Variants in STX12 observed in about 807,000 individuals in gnomAD.
The protein encoded by STX12 is syntaxin-12.
STX12 carries 17 observed loss-of-function variants against 42.2 expected under a neutral mutation model. That is an observed-to-expected ratio of 0.40 (90% CI 0.28 to 0.60). The LOEUF (loss-of-function observed/expected upper bound fraction) is 0.60. STX12 is among the 20% of genes least tolerant of loss of function. The pLI, the probability that STX12 is intolerant of heterozygous loss-of-function variation, is 0.39. For missense variants in STX12, 297 were observed against 330.9 expected, an observed-to-expected ratio of 0.90 and a Z score of 0.79; for synonymous variants, 108 against 116.7, an observed-to-expected ratio of 0.93 and a Z score of 0.48.
chr1:27,803,849 A>AC, intron 4 of STX12, among the ~76,000 whole-genome samples: 1 of 152,132 alleles, frequency 6.6e-6, no homozygotes, highest in East Asian at 1.9e-4. Context: ...TAAAAATACA[A>AC]AATTAGCTGG....
intron 1 of STX12, among the ~76,000 whole-genome samples, chr1:27,783,224 A>G (rs2088679748): frequency 6.6e-6 from 1 of 152,254 alleles, no homozygotes; most frequent in South Asian, 2.1e-4. Context: ...GCTGTAATGT[A>G]TAACAAATTG....
intron 4 of STX12, chr1:27,802,080 T>G (rs2088831801): frequency 4.5e-6 from 1 of 223,154 alleles, no homozygotes; most frequent in African/African-American, 2.3e-5. Context: ...GTTAAAAACT[T>G]GAAAATAAAA....
intron 1 of STX12, among the ~76,000 whole-genome samples, chr1:27,780,723 G>A (rs1488939796): frequency 6.6e-6 from 1 of 151,836 alleles, no homozygotes; most frequent in Non-Finnish European, 1.5e-5. Flanking sequence ...AGGCTGAGGC[G>A]AGTGGATCTC....
At chr1:27,784,672 C>T (rs1188813538) in intron 1 of STX12, among the ~76,000 whole-genome samples, 1 of 152,080 alleles carries the variant, frequency 6.6e-6, no homozygotes, top group Non-Finnish European at 1.5e-5. Flanking sequence ...GAACAAATCC[C>T]TGATGTTGGT....
chr1:27,795,521 G>A (rs1205650993), intron 3 of STX12, among the ~76,000 whole-genome samples: 2 of 151,998 alleles, frequency 1.3e-5, no homozygotes, highest in Admixed American at 6.6e-5. Context: ...GGCCAGGCTG[G>A]TTTCAAACTC....
intron 1 of STX12, among the ~76,000 whole-genome samples, chr1:27,781,595 T>C (rs1557798067): frequency 6.6e-6 from 1 of 152,196 alleles, no homozygotes; most frequent in South Asian, 2.1e-4. Context: ...TAGTAAGTGC[T>C]TAAGAAATGT....
At chr1:27,792,189 T>C (rs980771465) in intron 2 of STX12, among the ~76,000 whole-genome samples, 32 of 134,544 alleles carry the variant, frequency 2.4e-4, no homozygotes, top group Non-Finnish European at 4.2e-4. Flanking sequence ...TATGTATCTA[T>C]ATATGTATAT....
chr1:27,777,854 T>C (rs1342557083), intron 1 of STX12, among the ~76,000 whole-genome samples: 1 of 151,994 alleles, frequency 6.6e-6, no homozygotes, highest in Admixed American at 6.6e-5. Context: ...GCCACTGCAC[T>C]CTGGCCTGGA....
At chr1:27,780,583 C>A (rs2088661547) in intron 1 of STX12, among the ~76,000 whole-genome samples, 2 of 152,140 alleles carry the variant, frequency 1.3e-5, no homozygotes, top group Non-Finnish European at 2.9e-5. Context: ...CCTCCCCTTC[C>A]ATGTATTAAC....
At chr1:27,804,423 T>C (rs1480630083) in intron 4 of STX12, among the ~76,000 whole-genome samples, 2 of 134,514 alleles carry the variant, frequency 1.5e-5, no homozygotes, top group Non-Finnish European at 3.0e-5. Context: ...TGAAATTCCG[T>C]CTCAAAAAAA....
chr1:27,797,526 G>T (rs1359511721), intron 3 of STX12, among the ~76,000 whole-genome samples: 1 of 152,082 alleles, frequency 6.6e-6, no homozygotes, highest in Admixed American at 6.6e-5. Flanking sequence ...ATGCCCCAAG[G>T]TTGTGCCATT....
intron 1 of STX12, among the ~76,000 whole-genome samples, chr1:27,788,640 C>G (rs545852066): frequency 6.6e-6 from 1 of 152,286 alleles, no homozygotes; most frequent in Admixed American, 6.5e-5. Flanking sequence ...AATTTTTGCT[C>G]TGCTACTTAT....
At chr1:27,813,812 T>G (rs913037211) in intron 6 of STX12, among the ~76,000 whole-genome samples, 3 of 152,198 alleles carry the variant, frequency 2.0e-5, no homozygotes, top group Non-Finnish European at 2.9e-5. Flanking sequence ...GGCATGGGTA[T>G]TTTTTTAAAA....
intron 1 of STX12, among the ~76,000 whole-genome samples, chr1:27,775,605 A>T (rs2088623978): frequency 6.6e-6 from 1 of 152,214 alleles, no homozygotes; most frequent in African/African-American, 2.4e-5. Flanking sequence ...TGTAGTAAGT[A>T]TAAGAACTGG....
chr1:27,818,384 TAA>T (rs199601647), intron 7 of STX12, among the ~76,000 whole-genome samples: 19 of 140,218 alleles, frequency 1.4e-4, no homozygotes, highest in Non-Finnish European at 1.7e-4. Context: ...TCGTCTCAAT[TAA>T]AAAAAAAAAA....
At chr1:27,777,522 A>G (rs1032880415) in intron 1 of STX12, among the ~76,000 whole-genome samples, 7 of 151,856 alleles carry the variant, frequency 4.6e-5, no homozygotes, top group Non-Finnish European at 7.4e-5. Context: ...CCATTTTGGA[A>G]CTCTTCCTGC....
chr1:27,811,887 A>G (rs2088905487), intron 5 of STX12: 4 of 504,172 alleles, frequency 7.9e-6, no homozygotes, highest in Non-Finnish European at 1.6e-5. Context: ...GAGATTACAG[A>G]GTATACCCCT....
Position 27,823,761 on chromosome 1 carries a change from T to G in STX12, c.*1432T>G, listed in dbSNP as rs900062697. ...CTTACTTAATACAAATAAATGTTTT[T>G]TAAAGCTTTTGTAGTATGTTTTTAT... On this transcript the variant is annotated 3_prime_UTR_variant, in exon 9 of 9. Coordinates refer to ENST00000373943, the MANE Select transcript of STX12 (RefSeq NM_177424.3). 2 of 152,690 alleles carry G rather than the reference T, an allele frequency of 1.3e-5. No individual in the cohort carries two copies. The highest frequency in any genetic ancestry group is 2.9e-5 in the Non-Finnish European group (2 of 68,050). 9.5% of individuals were successfully genotyped at this position (152,690 alleles called of 1,614,324 possible).
intron 3 of STX12, among the ~76,000 whole-genome samples, chr1:27,797,038 ACACAGTTTCACTGT>A (rs1571523932): frequency 6.7e-6 from 1 of 149,882 alleles, no homozygotes; most frequent in East Asian, 2.0e-4. Context: ...TTTTTTTGAG[ACACAGTTTCACTGT>A]GTCACCCAGG....
Sources: gnomAD v4.1 joint callset for allele counts (sites outside exome capture counted in the v4.1 genomes callset) on GRCh38, gnomAD v4.1.1 for gene constraint, MANE v1.5 for transcripts, NCBI Gene and HGNC (gene_info 2026-07-23, HGNC 2026-07-21) for gene names.